The following LANCL2 variants were observed in gnomAD, a reference collection of about 807,000 sequenced individuals.
LANCL2 encodes lanC-like protein 2.
A neutral mutation model predicts 56.9 loss-of-function variants in LANCL2; 33 were observed. The observed-to-expected ratio is 0.58, with a 90% confidence interval of 0.44 to 0.78. The LOEUF is 0.78. LANCL2 is among the 30% of genes least tolerant of loss of function. The probability of loss-of-function intolerance (pLI) is 0.00; values close to 1 mark genes in which losing one functional copy is unlikely to be tolerated. For synonymous variants in LANCL2, 233 were observed against 228.2 expected (o/e 1.02, Z -0.19); for missense variants, 562 against 580.2 (o/e 0.97, Z 0.32).
intron 6 of LANCL2, among the ~76,000 whole-genome samples, chr7:55,424,985 C>A (rs947652032): frequency 9.2e-5 from 14 of 152,220 alleles, no homozygotes; most frequent in African/African-American, 3.4e-4. Flanking sequence ...AACCATCCCC[C>A]ACTCACCTTC....
chr7:55,393,909 A>T (rs1242467441), intron 2 of LANCL2, among the ~76,000 whole-genome samples: 2 of 152,236 alleles, frequency 1.3e-5, no homozygotes, highest in Non-Finnish European at 2.9e-5. Context: ...ATATTTTGGA[A>T]GGAAAATAAC....
chr7:55,389,226 A>G (rs993163995), intron 1 of LANCL2, among the ~76,000 whole-genome samples: 4 of 152,140 alleles, frequency 2.6e-5, no homozygotes, highest in Non-Finnish European at 4.4e-5. Flanking sequence ...AATACAGCCT[A>G]GAGGTGAGTC....
chr7:55,413,511 G>A (rs1790493546), intron 6 of LANCL2, among the ~76,000 whole-genome samples: 1 of 152,210 alleles, frequency 6.6e-6, no homozygotes, highest in East Asian at 1.9e-4. Context: ...GAGCAAGCAG[G>A]TGCCAGGAAC....
chr7:55,420,029 A>G (rs182623960), intron 6 of LANCL2, among the ~76,000 whole-genome samples: 10 of 152,254 alleles, frequency 6.6e-5, no homozygotes, highest in African/African-American at 2.2e-4. Context: ...GTGCCACTGC[A>G]CTCTAGCCTA....
intron 6 of LANCL2, among the ~76,000 whole-genome samples, chr7:55,415,621 C>CTTTCTTTTTTTTTTTTTTTTT (rs149792554): frequency 1.2e-4 from 13 of 111,804 alleles, no homozygotes; most frequent in African/African-American, 3.8e-4. Context: ...GTTTTTCTTT[C>CTTTCTTTTTTTTTTTTTTTTT]TTTTTTTTGA....
intron 6 of LANCL2, among the ~76,000 whole-genome samples, chr7:55,418,185 G>GTT (rs55860430): frequency 0.056 from 8,269 of 147,958 alleles, 763 homozygotes; most frequent in African/African-American, 0.19. Context: ...ATACAATTGC[G>GTT]TTTTTTTTTT....
chr7:55,393,617 T>A (rs1790217016), intron 2 of LANCL2, among the ~76,000 whole-genome samples: 1 of 152,084 alleles, frequency 6.6e-6, no homozygotes, highest in Non-Finnish European at 1.5e-5. Flanking sequence ...GAACCAAACA[T>A]GGGCCCTTGA....
At chr7:55,367,479 C>T (rs1178521563) in intron 1 of LANCL2, among the ~76,000 whole-genome samples, 2 of 152,238 alleles carry the variant, frequency 1.3e-5, no homozygotes, top group East Asian at 3.8e-4. Flanking sequence ...AATCCCAGCA[C>T]TTTGGGAGGC....
At chr7:55,387,565 A>G (rs1392466018) in intron 1 of LANCL2, among the ~76,000 whole-genome samples, 1 of 148,970 alleles carries the variant, frequency 6.7e-6, no homozygotes, top group Non-Finnish European at 1.5e-5. Flanking sequence ...AGAAACTTTT[A>G]TAAAATTCTG....
intron 2 of LANCL2, among the ~76,000 whole-genome samples, chr7:55,396,114 G>A (rs815933): frequency 0.16 from 24,265 of 152,260 alleles, 2,042 homozygotes; most frequent in Middle Eastern, 0.25. Context: ...TATGCAGTTT[G>A]TTGTTGACCT....
At chr7:55,409,598 G>A (rs1790450119) in intron 5 of LANCL2, among the ~76,000 whole-genome samples, 1 of 152,090 alleles carries the variant, frequency 6.6e-6, no homozygotes, top group South Asian at 2.1e-4. Flanking sequence ...AGGGAAGAGG[G>A]GCTCCCATAC....
intron 1 of LANCL2, among the ~76,000 whole-genome samples, chr7:55,374,859 A>C (rs1341590407): frequency 6.6e-6 from 1 of 152,244 alleles, no homozygotes; most frequent in Admixed American, 6.5e-5. Context: ...AATGTGAGTC[A>C]AAAAGCTATT....
chr7:55,390,435 A>T (rs181101580), intron 1 of LANCL2, among the ~76,000 whole-genome samples: 1,810 of 152,210 alleles, frequency 0.012, 39 homozygotes, highest in African/African-American at 0.04. Flanking sequence ...GTGAAACCCC[A>T]TCTCTACTAA....
chr7:55,414,947 GCA>G (rs1286918150), intron 6 of LANCL2, among the ~76,000 whole-genome samples: 2 of 128,594 alleles, frequency 1.6e-5, no homozygotes, highest in Non-Finnish European at 3.1e-5. Flanking sequence ...TCATGCCACT[GCA>G]CTCCAGCCTG....
intron 1 of LANCL2, among the ~76,000 whole-genome samples, 161 bp downstream of exon 1, chr7:55,366,390 T>C (rs1163941903): frequency 6.6e-6 from 1 of 152,244 alleles, no homozygotes; most frequent in African/African-American, 2.4e-5. Context: ...TGAGCCGCGC[T>C]TAGGGTCCGT....
Position 55,431,366 on chromosome 7 carries a change from C to T in LANCL2, c.*46C>T, listed in dbSNP as rs1402995164. On this transcript the variant is annotated 3_prime_UTR_variant, in exon 9 of 9. Transcript: ENST00000254770. Reference sequence around the variant, plus strand: ...AAATACCCATTTGGACCAAAAGCCACCAGATTGCTTAGTGCCTGACACAGA... The same window carrying T: ...AAATACCCATTTGGACCAAAAGCCATCAGATTGCTTAGTGCCTGACACAGA... The T allele has an allele frequency of 7.5e-7, 1 of 1,341,928 alleles. No individual in the cohort carries two copies. The highest frequency in any genetic ancestry group is 1.2e-5 in the South Asian group (1 of 80,390). The allele number at this position is 1,341,928 out of a possible 1,614,324, so 83.1% of individuals were successfully genotyped here.
intron 1 of LANCL2, among the ~76,000 whole-genome samples, chr7:55,371,229 A>G (rs1256217262): frequency 6.6e-6 from 1 of 151,732 alleles, no homozygotes; most frequent in Non-Finnish European, 1.5e-5. Flanking sequence ...ATCTCTGTAT[A>G]GTTTTGGGTT....
chr7:55,384,354 T>C (rs10257784), intron 1 of LANCL2, among the ~76,000 whole-genome samples: 53,340 of 151,642 alleles, frequency 0.35, 9,838 homozygotes, highest in African/African-American at 0.43. Flanking sequence ...GAGATCGAGA[T>C]CATCCTGGCT....
In LANCL2 at chr7:55,383,364, G is replaced by A. The variant is rs147667620; in HGVS notation, c.205-8429G>A. Among the ~76,000 whole-genome samples, 432 of 152,270 alleles carry A rather than the reference G, an allele frequency of 2.8e-3. 4 individuals are homozygous for A. Among genetic ancestry groups the A allele is most frequent in the African/African-American group, 9.8e-3 (408 of 41,536 alleles). Reference sequence around the variant, plus strand: ...TTATATTGGGAGGCTGGAGGAGGCAGTATCTGATTTACATAGGGCCCAGGG... The same window carrying A: ...TTATATTGGGAGGCTGGAGGAGGCAATATCTGATTTACATAGGGCCCAGGG... On this transcript the variant is annotated intron_variant, in intron 1 of 8. Coordinates refer to ENST00000254770, the MANE Select transcript of LANCL2 (RefSeq NM_018697.4).
Sources: gnomAD v4.1 joint callset for allele counts (sites outside exome capture counted in the v4.1 genomes callset) on GRCh38, gnomAD v4.1.1 for gene constraint, MANE v1.5 for transcripts, NCBI Gene and HGNC (gene_info 2026-07-23, HGNC 2026-07-21) for gene names.